GRID1: variants seen among roughly 807,000 people sequenced by gnomAD.
GRID1 encodes glutamate ionotropic receptor delta type subunit 1.
A neutral mutation model predicts 98.0 loss-of-function variants in GRID1; 28 were observed. The ratio of observed to expected loss-of-function variants is 0.29; its 90% CI spans 0.21 to 0.39. The LOEUF (loss-of-function observed/expected upper bound fraction) is 0.39. GRID1 is among the 10% of genes least tolerant of loss of function. GRID1 has a pLI of 1.00. For missense variants in GRID1, 1,111 were observed against 1,340.5 expected (o/e 0.83, Z 2.67); for synonymous variants, 553 against 538.5 (o/e 1.03, Z -0.37).
chr10:85,642,980 C>T (rs1843141441), intron 13 of GRID1, among the ~76,000 whole-genome samples: 1 of 152,100 alleles, frequency 6.6e-6, no homozygotes, highest in South Asian at 2.1e-4. Flanking sequence ...CCAACCATGA[C>T]ATAACCCTTC....
chr10:85,952,796 C>T (rs987385943), intron 4 of GRID1, among the ~76,000 whole-genome samples: 3 of 152,136 alleles, frequency 2.0e-5, no homozygotes, highest in African/African-American at 7.2e-5. Context: ...CCTTTAATCA[C>T]ATGGGTTTAA....
chr10:86,228,527 C>T (rs1333818510), intron 2 of GRID1, among the ~76,000 whole-genome samples: 1 of 152,188 alleles, frequency 6.6e-6, no homozygotes, highest in Non-Finnish European at 1.5e-5. Context: ...CCACCTGGCC[C>T]TGCTGCCAGT....
intron 8 of GRID1, among the ~76,000 whole-genome samples, chr10:85,734,970 C>T (rs556203057): frequency 6.6e-6 from 1 of 152,152 alleles, no homozygotes; most frequent in Non-Finnish European, 1.5e-5. Context: ...GTCTGGCGCT[C>T]GCCACTCTGA....
chr10:85,743,118 C>A (rs1343601521), intron 8 of GRID1, among the ~76,000 whole-genome samples: 6 of 135,406 alleles, frequency 4.4e-5, no homozygotes, highest in Non-Finnish European at 6.4e-5. Flanking sequence ...CCCCCCCCCA[C>A]CACCCATTGA....
At chr10:86,168,061 T>C (rs1265321673) in intron 3 of GRID1, among the ~76,000 whole-genome samples, 1 of 152,124 alleles carries the variant, frequency 6.6e-6, no homozygotes, top group African/African-American at 2.4e-5. Context: ...GAGGCAGACA[T>C]GGCATCAGTG....
chr10:85,599,919 T>TCTCTCTCTCA lies in GRID1; in HGVS notation c.*2353_*2354insTGAGAGAGAG, dbSNP rs1554857354. The TCTCTCTCTCA allele has an allele frequency of 3.0e-5, 4 of 131,522 alleles. No homozygotes were observed. Among genetic ancestry groups the TCTCTCTCTCA allele is most frequent in the African/African-American group, 1.3e-4 (4 of 31,960 alleles). 8.1% of individuals were successfully genotyped at this position (131,522 alleles called of 1,614,324 possible). A position where few individuals can be genotyped will look rare whatever the true frequency, so the allele number is the denominator to read the frequency against. ...GTCTCTCTCTCTCTCTCTCTCTCTC[T>TCTCTCTCTCA]CACACACACACACACACACAAACAC... On this transcript the variant is annotated 3_prime_UTR_variant, in exon 16 of 16. Transcript: ENST00000327946.
intron 12 of GRID1, among the ~76,000 whole-genome samples, chr10:85,657,495 T>A (rs1015642136): frequency 3.9e-5 from 6 of 152,210 alleles, no homozygotes; most frequent in African/African-American, 1.4e-4. Context: ...ATAGGTTATA[T>A]GTATGAATCA....
chr10:86,019,573 A>G (rs1177860011), intron 4 of GRID1, among the ~76,000 whole-genome samples: 1 of 152,260 alleles, frequency 6.6e-6, no homozygotes, highest in Non-Finnish European at 1.5e-5. Context: ...ATTCACATGC[A>G]TGCTAGGCCC....
chr10:86,080,617 C>T (rs1452230446), intron 4 of GRID1, among the ~76,000 whole-genome samples: 3 of 152,036 alleles, frequency 2.0e-5, no homozygotes, highest in Non-Finnish European at 2.9e-5. Context: ...GTAGGATGCC[C>T]GGCATCCTCC....
chr10:85,885,574 A>G (rs1841105005), intron 5 of GRID1, among the ~76,000 whole-genome samples: 2 of 152,218 alleles, frequency 1.3e-5, no homozygotes, highest in Non-Finnish European at 2.9e-5. Context: ...TACCAATGGG[A>G]TAATTTGGAG....
chr10:85,693,808 G>A (rs570408970), intron 12 of GRID1, among the ~76,000 whole-genome samples: 41 of 152,258 alleles, frequency 2.7e-4, no homozygotes, highest in African/African-American at 9.6e-4. Context: ...AGACTTACAT[G>A]TAAGACTGAA....
chr10:85,899,790 C>T (rs1841352742), intron 5 of GRID1, among the ~76,000 whole-genome samples: 1 of 152,122 alleles, frequency 6.6e-6, no homozygotes, highest in African/African-American at 2.4e-5. Context: ...TTCAGCAATT[C>T]TTGAGTAAGA....
intron 2 of GRID1, among the ~76,000 whole-genome samples, chr10:86,287,130 T>G (rs1847442556): frequency 6.6e-6 from 1 of 152,046 alleles, no homozygotes; most frequent in South Asian, 2.1e-4. Context: ...GGCACGGAAG[T>G]AGATGGAATG....
intron 2 of GRID1, among the ~76,000 whole-genome samples, chr10:86,219,459 T>C (rs529958556): frequency 1.3e-5 from 2 of 152,230 alleles, no homozygotes; most frequent in South Asian, 4.1e-4. Flanking sequence ...CCCAGCCTAG[T>C]TGTTTACCGA....
intron 4 of GRID1, among the ~76,000 whole-genome samples, chr10:86,018,001 C>T (rs929528818): frequency 6.6e-6 from 1 of 152,230 alleles, no homozygotes; most frequent in Non-Finnish European, 1.5e-5. Flanking sequence ...CACGTCCCTC[C>T]TCCTCACACA....
chr10:86,285,119 A>C, intron 2 of GRID1, among the ~76,000 whole-genome samples: 1 of 133,136 alleles, frequency 7.5e-6, no homozygotes, highest in Non-Finnish European at 1.6e-5. Flanking sequence ...CTTTGCCTCT[A>C]CCCCTCCTCA....
intron 2 of GRID1, among the ~76,000 whole-genome samples, chr10:86,269,829 C>T (rs1870167): frequency 0.75 from 114,196 of 152,030 alleles, 44,472 homozygotes; most frequent in Non-Finnish European, 0.86. Flanking sequence ...TATTGACCAT[C>T]GCCTAGGTGT....
intron 8 of GRID1, among the ~76,000 whole-genome samples, chr10:85,768,181 A>G (rs1842215857): frequency 6.6e-6 from 1 of 152,226 alleles, no homozygotes; most frequent in South Asian, 2.1e-4. Context: ...AATATGAAGT[A>G]TTCAATAAAT....
intron 12 of GRID1, among the ~76,000 whole-genome samples, chr10:85,682,494 A>G (rs1270866117): frequency 6.6e-6 from 1 of 152,222 alleles, no homozygotes; most frequent in African/African-American, 2.4e-5. Context: ...CATTACTCCC[A>G]CCATAGACAA....
Sources: gnomAD v4.1 joint callset for allele counts (sites outside exome capture counted in the v4.1 genomes callset) on GRCh38, gnomAD v4.1.1 for gene constraint, MANE v1.5 for transcripts, NCBI Gene and HGNC (gene_info 2026-07-23, HGNC 2026-07-21) for gene names.